The following TTLL1 variants were observed in gnomAD, a reference collection of about 807,000 sequenced individuals.
TTLL1 encodes polyglutamylase complex subunit TTLL1.
TTLL1 carries 33 observed loss-of-function variants against 47.8 expected under a neutral mutation model. The observed-to-expected ratio is 0.69, with a 90% CI of 0.52 to 0.92. The LOEUF is 0.92. TTLL1 is among the 40% of genes least tolerant of loss of function. The pLI, the probability that TTLL1 is intolerant of heterozygous loss-of-function variation, is 0.00. For missense variants in TTLL1, 488 were observed against 547.5 expected (o/e 0.89, Z 1.08); for synonymous variants, 225 against 214.1 (o/e 1.05, Z -0.45).
At chr22:43,068,701 G>A (rs938658163) in intron 4 of TTLL1, 111 bp from the exon 5 acceptor site, 75 of 952,210 alleles carry the variant, frequency 7.9e-5, no homozygotes, top group Non-Finnish European at 9.5e-5. Context: ...GTCCCCCACC[G>A]CAACCCAGCA....
At chr22:43,052,728 A>G (rs1926726658) in intron 8 of TTLL1, among the ~76,000 whole-genome samples, 1 of 151,974 alleles carries the variant, frequency 6.6e-6, no homozygotes, top group African/African-American at 2.4e-5. Flanking sequence ...CCTGGGTGAC[A>G]GAGCAAGAAC....
At chr22:43,046,894 C>T (rs573582041) in intron 9 of TTLL1, among the ~76,000 whole-genome samples, 6 of 152,248 alleles carry the variant, frequency 3.9e-5, no homozygotes, top group Admixed American at 3.9e-4. Context: ...TGGTCTCGAA[C>T]TCCTGACCTC....
In TTLL1 at chr22:43,039,569, T is replaced by TAAAA. The variant is rs36120119; in HGVS notation, c.*203_*206dup. The TAAAA allele has an allele frequency of 4.1e-3, 1,723 of 416,618 alleles. 4 individuals carry two copies. Among genetic ancestry groups the TAAAA allele is most frequent in the African/African-American group, 0.016 (744 of 46,870 alleles). The allele number at this position is 416,618 out of a possible 1,614,324, so 25.8% of individuals were successfully genotyped here. Reference sequence around the variant, plus strand: ...TGAAAATTCTGCTTAGGTTAAAAATTAAAAAAAAAAGAGCGAGTTTTATAC... The same window carrying TAAAA: ...TGAAAATTCTGCTTAGGTTAAAAATTAAAAAAAAAAAAAAGAGCGAGTTTTATAC... On this transcript the variant is annotated 3_prime_UTR_variant, in exon 11 of 11. Transcript: ENST00000266254.
chr22:43,080,738 A>C (rs1928822109), intron 1 of TTLL1, among the ~76,000 whole-genome samples: 1 of 113,726 alleles, frequency 8.8e-6, no homozygotes, highest in Non-Finnish European at 2.2e-5. Context: ...TCTCAGCCTT[A>C]GCTGGATGGA....
At chr22:43,087,874 A>G (rs1315244409) in intron 1 of TTLL1, among the ~76,000 whole-genome samples, 1 of 145,904 alleles carries the variant, frequency 6.9e-6, no homozygotes, top group East Asian at 2.1e-4. Flanking sequence ...ATGGCCAGGC[A>G]CAGTGGCTCA....
chr22:43,081,551 TA>T (rs1490030434), intron 1 of TTLL1, among the ~76,000 whole-genome samples: 2 of 152,008 alleles, frequency 1.3e-5, no homozygotes, highest in African/African-American at 2.4e-5. Flanking sequence ...TAATGTATTT[TA>T]TTTTTTTATT....
At chr22:43,045,678 C>T (rs1021524143) in intron 10 of TTLL1, among the ~76,000 whole-genome samples, 8 of 151,962 alleles carry the variant, frequency 5.3e-5, no homozygotes, top group Non-Finnish European at 1.2e-4. Flanking sequence ...CCCTGTCACC[C>T]AGCTCTATGC....
intron 5 of TTLL1, among the ~76,000 whole-genome samples, chr22:43,066,134 G>A (rs549482527): frequency 6.6e-6 from 1 of 150,380 alleles, no homozygotes; most frequent in East Asian, 2.0e-4. Context: ...AGTCCAGCCT[G>A]GGAGACAGAG....
intron 2 of TTLL1, among the ~76,000 whole-genome samples, chr22:43,079,180 C>A (rs1393508045): frequency 3.4e-5 from 4 of 116,272 alleles, no homozygotes; most frequent in Admixed American, 1.7e-4. Context: ...CTCACACCCA[C>A]AGACACGGGG....
In TTLL1 at chr22:43,082,805, G is replaced by A. The variant is rs184312791; in HGVS notation, c.-89-2819C>T. Among the ~76,000 whole-genome samples the A allele has an allele frequency of 3.5e-3, 530 of 151,474 alleles. 4 individuals carry two copies. The highest frequency in any genetic ancestry group is 9.0e-3 in the African/African-American group (372 of 41,234). On this transcript the variant is annotated intron_variant, in intron 1 of 10. Transcript: ENST00000266254. ...AAGGTGGGTGGATTACCTGAGGTCA[G>A]GAGTTTGAGACCAGCCTGGCCAACA...
chr22:43,080,311 TC>T (rs1311602698), intron 1 of TTLL1, among the ~76,000 whole-genome samples: 1 of 152,050 alleles, frequency 6.6e-6, no homozygotes. Context: ...CACCTCAGCC[TC>T]CCAAAGTGCT....
intron 4 of TTLL1, 102 bp from the exon 5 acceptor site, chr22:43,068,692 TC>T: frequency 9.2e-7 from 1 of 1,082,238 alleles, no homozygotes; most frequent in Non-Finnish European, 1.2e-6. Flanking sequence ...GGGCTGAGTG[TC>T]CCCCACCGCA....
intron 5 of TTLL1, among the ~76,000 whole-genome samples, chr22:43,067,965 G>C (rs1015161924): frequency 7.2e-6 from 1 of 137,952 alleles, no homozygotes; most frequent in East Asian, 3.0e-4. Flanking sequence ...CACCTCACCT[G>C]GCTAATTTTT....
At chr22:43,050,122 T>G (rs1276997183) in intron 9 of TTLL1, among the ~76,000 whole-genome samples, 4 of 143,798 alleles carry the variant, frequency 2.8e-5, no homozygotes, top group Non-Finnish European at 6.1e-5. Context: ...GAATTGTTAT[T>G]ATATAAAAAG....
chr22:43,068,470 A>G lies in TTLL1; in HGVS notation c.443T>C (p.Ile148Thr). The change falls in exon 5 of 11, where the codon ATC becomes ACC. Residue 148 changes from isoleucine to threonine, a missense_variant. Ile to Thr is a moderately conservative substitution (Grantham distance 89). Coordinates refer to ENST00000266254, the MANE Select transcript of TTLL1 (RefSeq NM_012263.5). Reference sequence around the variant, plus strand: ...CTGTGAGAGCTTGTTGATAAGGAAGATGCCCTTTCCCTGGGCCTTGCCACA... The same window carrying G: ...CTGTGAGAGCTTGTTGATAAGGAAGGTGCCCTTTCCCTGGGCCTTGCCACA... ...KPCGKAQGKG[I>T]FLINKLSQIK... The G allele has an allele frequency of 6.4e-7, 1 of 1,572,698 alleles. No homozygotes were observed. The highest frequency in any genetic ancestry group is 1.1e-5 in the South Asian group (1 of 87,442).
rs1459450332 is a variant in TTLL1, at chr22:43,052,065, T to C, written c.892-178A>G. On this transcript the variant is annotated intron_variant, in intron 8 of 10. Coordinates refer to ENST00000266254, the MANE Select transcript of TTLL1 (RefSeq NM_012263.5). Reference sequence around the variant, plus strand: ...CTCTTCCTCCCGCAGAGCTCAGAGATTGGGCACTTTCCTCAGCCTGATAGA... The same window carrying C: ...CTCTTCCTCCCGCAGAGCTCAGAGACTGGGCACTTTCCTCAGCCTGATAGA... 2.1e-5 allele frequency: 13 copies of C among 616,954 alleles called. 1 individual carries two copies. The highest frequency in any genetic ancestry group is 1.3e-4 in the African/African-American group (7 of 54,818). 38.2% of individuals were successfully genotyped at this position (616,954 alleles called of 1,614,324 possible).
chr22:43,057,212 T>G (rs907946269), intron 8 of TTLL1, among the ~76,000 whole-genome samples: 2 of 147,156 alleles, frequency 1.4e-5, no homozygotes, highest in African/African-American at 5.0e-5. Flanking sequence ...GAGGCTGCAG[T>G]GGGCTGAGAT....
rs1927893434 is a variant in TTLL1, at chr22:43,068,462, T to C, written c.451A>G (p.Ile151Val). Residue 151 changes from isoleucine (I) to valine (V), a missense_variant, in exon 5 of 11, where the codon ATC (isoleucine) becomes GTC (valine). Ile to Val is a conservative substitution (Grantham distance 29). Coordinates refer to ENST00000266254, the MANE Select transcript of TTLL1 (RefSeq NM_012263.5). Reference protein sequence around the residue: ...GKAQGKGIFLINKLSQIKKWS... With the variant: ...GKAQGKGIFLVNKLSQIKKWS... Reference sequence around the variant, plus strand: ...TTTTTGATCTGTGAGAGCTTGTTGATAAGGAAGATGCCCTTTCCCTGGGCC... The same window carrying C: ...TTTTTGATCTGTGAGAGCTTGTTGACAAGGAAGATGCCCTTTCCCTGGGCC... The C allele has an allele frequency of 4.5e-6, 7 of 1,562,166 alleles. No homozygotes were observed. Among genetic ancestry groups the C allele is most frequent in the Non-Finnish European group, 6.1e-6 (7 of 1,141,604 alleles).
intron 9 of TTLL1, among the ~76,000 whole-genome samples, chr22:43,049,752 A>G (rs1362370018): frequency 6.7e-6 from 1 of 150,056 alleles, no homozygotes; most frequent in African/African-American, 2.5e-5. Context: ...TAGGCCACAG[A>G]GTGGGACCCT....
Sources: gnomAD v4.1 joint callset for allele counts (sites outside exome capture counted in the v4.1 genomes callset) on GRCh38, gnomAD v4.1.1 for gene constraint, MANE v1.5 for transcripts, NCBI Gene and HGNC (gene_info 2026-07-23, HGNC 2026-07-21) for gene names.